Variants in MAP3K20 observed in about 807,000 individuals in gnomAD.
The protein encoded by MAP3K20 is mitogen-activated protein kinase kinase kinase 20.
A neutral mutation model predicts 85.7 loss-of-function variants in MAP3K20; 40 were observed. That is an observed-to-expected ratio of 0.47 (90% CI 0.36 to 0.61). MAP3K20 has a LOEUF of 0.61. Ranked by LOEUF, MAP3K20 falls within the 20% of genes least tolerant of loss-of-function variation. The probability of loss-of-function intolerance (pLI) is 0.00; values close to 1 mark genes in which losing one functional copy is unlikely to be tolerated. For synonymous variants in MAP3K20, 325 were observed against 327.7 expected, an observed-to-expected ratio of 0.99 and a Z score of 0.09; for missense variants, 817 against 961.7, an observed-to-expected ratio of 0.85 and a Z score of 1.99.
chr2:173,170,450 T>C (rs927662049), intron 3 of MAP3K20, among the ~76,000 whole-genome samples: 3 of 152,206 alleles, frequency 2.0e-5, no homozygotes, highest in Non-Finnish European at 4.4e-5. Flanking sequence ...TAGAAAGTTT[T>C]GCCACATGAA....
At chr2:173,167,781 C>T (rs1016322902) in intron 2 of MAP3K20, among the ~76,000 whole-genome samples, 4 of 152,146 alleles carry the variant, frequency 2.6e-5, no homozygotes, top group African/African-American at 9.7e-5. Context: ...CACTGAAAAT[C>T]CCATCATGCT....
chr2:173,244,256 T>G (rs1055235083), intron 16 of MAP3K20, among the ~76,000 whole-genome samples: 1 of 151,948 alleles, frequency 6.6e-6, no homozygotes, highest in Non-Finnish European at 1.5e-5. Context: ...GTGCTAAAAG[T>G]ATAAAGAAGT....
chr2:173,204,166 G>A (rs1185002892), intron 9 of MAP3K20, among the ~76,000 whole-genome samples: 1 of 152,092 alleles, frequency 6.6e-6, no homozygotes, highest in African/African-American at 2.4e-5. Flanking sequence ...ATGCTATTGA[G>A]ATGGCTAAGA....
intron 2 of MAP3K20, among the ~76,000 whole-genome samples, chr2:173,095,943 C>T (rs183022677): frequency 1.8e-4 from 28 of 151,988 alleles, no homozygotes; most frequent in East Asian, 7.7e-4. Flanking sequence ...TTCTTTTCCC[C>T]GCAACATTTT....
chr2:173,117,897 A>T (rs1015607209), intron 2 of MAP3K20, among the ~76,000 whole-genome samples: 9 of 152,166 alleles, frequency 5.9e-5, no homozygotes, highest in African/African-American at 2.2e-4. Flanking sequence ...CCTGCCTATC[A>T]TTCATCAAAG....
At chr2:173,236,262 T>G in intron 14 of MAP3K20, among the ~76,000 whole-genome samples, 1 of 80,474 alleles carries the variant, frequency 1.2e-5, no homozygotes, top group Admixed American at 2.0e-4. Flanking sequence ...AGTGAGACCC[T>G]GTCTAAAAAA....
chr2:173,190,838 AAGAC>A, intron 5 of MAP3K20, 53 bp from the exon 6 acceptor site: 1 of 1,450,098 alleles, frequency 6.9e-7, no homozygotes, highest in Admixed American at 2.0e-5. Context: ...TTTTCAGTAG[AAGAC>A]AGCTCAAACA....
At chr2:173,161,344 G>A (rs1360427554) in intron 2 of MAP3K20, among the ~76,000 whole-genome samples, 1 of 152,114 alleles carries the variant, frequency 6.6e-6, no homozygotes, top group African/African-American at 2.4e-5. Flanking sequence ...CTTATGAAAT[G>A]TACCCTAAGT....
rs1266384646 is a variant in MAP3K20, at chr2:173,208,326, T to C, written c.745-1403T>C. 2.7e-5 allele frequency among the ~76,000 whole-genome samples: 4 copies of C among 150,758 alleles called. No individual in the cohort carries two copies. In the South Asian group the frequency reaches 6.3e-4, roughly 24 times the overall value. ...AGGCAGGAAAATTGGTGAGCCCAGG[T>C]GGTCGAGGCTGCAGTGAGCTATGAT... On this transcript the variant is annotated intron_variant, in intron 9 of 19. Coordinates refer to ENST00000375213, the MANE Select transcript of MAP3K20 (RefSeq NM_016653.3).
chr2:173,130,769 T>C (rs973789607), intron 2 of MAP3K20, among the ~76,000 whole-genome samples: 1 of 152,230 alleles, frequency 6.6e-6, no homozygotes, highest in African/African-American at 2.4e-5. Flanking sequence ...CTCAGGACAC[T>C]GTCTAGTAGA....
intron 2 of MAP3K20, among the ~76,000 whole-genome samples, chr2:173,119,667 T>C (rs1688223511): frequency 6.6e-6 from 1 of 151,716 alleles, no homozygotes; most frequent in African/African-American, 2.4e-5. Context: ...TCTCTTTGGC[T>C]ACTCAGCTTC....
intron 10 of MAP3K20, among the ~76,000 whole-genome samples, chr2:173,214,773 G>C (rs1005131078): frequency 6.6e-6 from 1 of 152,148 alleles, no homozygotes; most frequent in Non-Finnish European, 1.5e-5. Context: ...CATCAACTAA[G>C]ACATTTAAAC....
At position 173,134,388 on chromosome 2, in the gene MAP3K20, C is replaced by CA. The variant is rs1333117176; in HGVS notation, c.160-35417_160-35416insA. On this transcript the variant is annotated intron_variant, in intron 2 of 19. Coordinates refer to ENST00000375213, the MANE Select transcript of MAP3K20 (RefSeq NM_016653.3). Reference sequence around the variant, plus strand: ...AAATTGTGTGTGTGTGTGTGTGTCTCTATACATATATATATATATATATAT... The same window carrying CA: ...AAATTGTGTGTGTGTGTGTGTGTCTCATATACATATATATATATATATATAT... Among the ~76,000 whole-genome samples, 90 of 43,428 alleles carry CA rather than the reference C, an allele frequency of 2.1e-3. 1 individual carries two copies. The highest frequency in any genetic ancestry group is 8.1e-3 in the African/African-American group (87 of 10,678). The allele number at this position is 43,428 out of a possible 152,430, so 28.5% of individuals were successfully genotyped here.
chr2:173,202,765 G>A (rs1683520654), intron 8 of MAP3K20, among the ~76,000 whole-genome samples: 1 of 152,160 alleles, frequency 6.6e-6, no homozygotes, highest in African/African-American at 2.4e-5. Context: ...GAGTTGGGTT[G>A]TATTAACGAC....
chr2:173,133,865 C>T (rs1455698335), intron 2 of MAP3K20, among the ~76,000 whole-genome samples: 1 of 151,556 alleles, frequency 6.6e-6, no homozygotes, highest in East Asian at 1.9e-4. Context: ...GTGGTGGGCA[C>T]CTGTAGTCCC....
intron 4 of MAP3K20, 99 bp downstream of exon 4, chr2:173,183,054 A>G: frequency 1.0e-6 from 1 of 959,780 alleles, no homozygotes; most frequent in South Asian, 1.7e-5. Context: ...CTGTCTTTAG[A>G]TGTTCTTTTT....
At chr2:173,258,641 G>C (rs1227530131) in intron 16 of MAP3K20, 58 bp from the exon 17 acceptor site, 2 of 977,346 alleles carry the variant, frequency 2.0e-6, no homozygotes, top group African/African-American at 3.3e-5. Flanking sequence ...GAAATATTGA[G>C]ACTAAAAAAA....
chr2:173,195,143 A>G (rs902207787), intron 7 of MAP3K20, among the ~76,000 whole-genome samples: 7 of 151,462 alleles, frequency 4.6e-5, no homozygotes, highest in African/African-American at 1.5e-4. Flanking sequence ...AGCAAAAATC[A>G]CTGAAAGAAT....
rs565251130 is a variant in MAP3K20, at chr2:173,090,672, G to A, written c.-34-326G>A. 5.0e-6 allele frequency: 5 copies of A among 1,002,912 alleles called. No individual in the cohort carries two copies. The African/African-American group carries it at 8.7e-5, about 17-fold the overall frequency. The allele number at this position is 1,002,912 out of a possible 1,614,324, so 62.1% of individuals were successfully genotyped here. ...CCCGTCTGTCAGGGCTTCCTGAGAG[G>A]AGACCTGGTGACACAGTAGCCTTTC... On this transcript the variant is annotated intron_variant, in intron 1 of 19. Coordinates refer to ENST00000375213, the MANE Select transcript of MAP3K20 (RefSeq NM_016653.3).
Sources: gnomAD v4.1 joint callset for allele counts (sites outside exome capture counted in the v4.1 genomes callset) on GRCh38, gnomAD v4.1.1 for gene constraint, MANE v1.5 for transcripts, NCBI Gene and HGNC (gene_info 2026-07-23, HGNC 2026-07-21) for gene names.